Variants in SGCZ observed in about 807,000 individuals in gnomAD.
SGCZ encodes the protein zeta-sarcoglycan.
SGCZ carries 40 observed loss-of-function variants against 41.3 expected under a neutral mutation model. That is an observed-to-expected ratio of 0.97 (90% confidence interval 0.75 to 1.26). The LOEUF (loss-of-function observed/expected upper bound fraction) is 1.26. Among genes scored for constraint, SGCZ ranks in the 50% most tolerant of loss-of-function variants. SGCZ has a pLI of 0.00. For synonymous variants in SGCZ, 206 were observed against 137.5 expected, an observed-to-expected ratio of 1.50 and a Z score of -3.49; for missense variants, 552 against 369.8, an observed-to-expected ratio of 1.49 and a Z score of -4.04.
At chr8:14,410,927 A>C (rs1029631509) in intron 2 of SGCZ, among the ~76,000 whole-genome samples, 27 of 152,210 alleles carry the variant, frequency 1.8e-4, no homozygotes, top group Admixed American at 1.1e-3. Context: ...TAAACTAAAC[A>C]ATGGTGATAA....
chr8:14,220,595 C>T (rs1806158612), intron 4 of SGCZ, among the ~76,000 whole-genome samples: 2 of 151,958 alleles, frequency 1.3e-5, no homozygotes, highest in Admixed American at 1.3e-4. Context: ...GCCTGACCAA[C>T]ATGTTGAAAG....
chr8:14,961,378 G>C (rs1050290892), intron 1 of SGCZ, among the ~76,000 whole-genome samples: 1 of 152,012 alleles, frequency 6.6e-6, no homozygotes, highest in East Asian at 1.9e-4. Flanking sequence ...TTACAGGCTG[G>C]CTACAGAGGA....
At chr8:14,599,104 G>A (rs1304070415) in intron 1 of SGCZ, among the ~76,000 whole-genome samples, 1 of 152,048 alleles carries the variant, frequency 6.6e-6, no homozygotes, top group Admixed American at 6.6e-5. Flanking sequence ...ATGCAAAACT[G>A]TTTCATCAAC....
intron 5 of SGCZ, among the ~76,000 whole-genome samples, chr8:14,119,713 C>T (rs1490678504): frequency 6.6e-6 from 1 of 151,928 alleles, no homozygotes; most frequent in Non-Finnish European, 1.5e-5. Context: ...ATAAATAGCT[C>T]TTATTATTTT....
At chr8:15,059,614 T>C (rs574310785) in intron 1 of SGCZ, among the ~76,000 whole-genome samples, 21 of 152,306 alleles carry the variant, frequency 1.4e-4, no homozygotes, top group African/African-American at 4.6e-4. Context: ...AACTGCATAA[T>C]TAGGTTTCAA....
chr8:14,890,071 G>C (rs1014591293), intron 1 of SGCZ, among the ~76,000 whole-genome samples: 33 of 152,124 alleles, frequency 2.2e-4, no homozygotes, highest in African/African-American at 7.2e-4. Flanking sequence ...ACAAAAATTA[G>C]CCGGGCATGG....
chr8:15,097,888 G>GTGTA lies in SGCZ; in HGVS notation c.39+139696_39+139697insTACA, dbSNP rs1187752109. On this transcript the variant is annotated intron_variant, in intron 1 of 7. Transcript: ENST00000382080. ...TGTGTATATATATATATATACGTGTGTATATATATATATATATATATACGT... is the reference window on the plus strand; with the variant it reads ...TGTGTATATATATATATATACGTGTGTGTATATATATATATATATATATATACGT... 2.5e-5 allele frequency among the ~76,000 whole-genome samples: 3 copies of GTGTA among 120,658 alleles called. 1 individual carries two copies. The highest frequency in any genetic ancestry group is 1.0e-4 in the African/African-American group (3 of 28,798). The allele number at this position is 120,658 out of a possible 152,430, so 79.2% of individuals were successfully genotyped here.
At chr8:14,269,496 A>G (rs565916192) in intron 3 of SGCZ, among the ~76,000 whole-genome samples, 1 of 152,278 alleles carries the variant, frequency 6.6e-6, no homozygotes, top group East Asian at 1.9e-4. Flanking sequence ...CTCTGAAGAC[A>G]ATACTGAGCT....
chr8:15,193,053 G>A (rs1229158139), intron 1 of SGCZ, among the ~76,000 whole-genome samples: 1 of 152,066 alleles, frequency 6.6e-6, no homozygotes, highest in African/African-American at 2.4e-5. Flanking sequence ...AATACTGGTA[G>A]TGGAGGTGGA....
chr8:14,375,214 A>G (rs78022630), intron 2 of SGCZ, among the ~76,000 whole-genome samples: 8,729 of 152,326 alleles, frequency 0.057, 333 homozygotes, highest in Non-Finnish European at 0.087. Flanking sequence ...GCTGAAAGCT[A>G]CAATTCACAA....
chr8:14,981,360 G>T (rs1050150286), intron 1 of SGCZ, among the ~76,000 whole-genome samples: 1 of 152,188 alleles, frequency 6.6e-6, no homozygotes, highest in Admixed American at 6.5e-5. Flanking sequence ...CCTAAACACA[G>T]TAGAATTTAG....
chr8:14,806,113 C>T (rs1164927990), intron 1 of SGCZ, among the ~76,000 whole-genome samples: 4 of 151,576 alleles, frequency 2.6e-5, no homozygotes, highest in African/African-American at 9.7e-5. Flanking sequence ...CACTAAATGC[C>T]CACAAGAGAA....
rs542312853 is a variant in SGCZ, at chr8:15,073,588, AG to A, written c.39+163996del. Among the ~76,000 whole-genome samples, 53 of 152,274 alleles carry A rather than the reference AG, an allele frequency of 3.5e-4. 2 individuals are homozygous for A. The highest frequency in any genetic ancestry group is 1.3e-3 in the African/African-American group (53 of 41,568). ...ATTTTAATCTGTAAATATCCAGGAA[AG>A]CAACTGCTCTCCATAATGTGGGTGG... is the stretch of plus-strand genomic sequence containing the variant. On this transcript the variant is annotated intron_variant, in intron 1 of 7. Transcript: ENST00000382080.
At chr8:14,298,561 A>C (rs1470753197) in intron 3 of SGCZ, among the ~76,000 whole-genome samples, 1 of 152,044 alleles carries the variant, frequency 6.6e-6, no homozygotes, top group Non-Finnish European at 1.5e-5. Context: ...AGTGAGCAAG[A>C]ATATTTAAAC....
chr8:14,344,550 A>G (rs1345130757), intron 2 of SGCZ, among the ~76,000 whole-genome samples: 1 of 152,088 alleles, frequency 6.6e-6, no homozygotes, highest in East Asian at 1.9e-4. Context: ...CCTACACCTT[A>G]TAACAAATAA....
chr8:14,614,983 T>C (rs12155755), intron 1 of SGCZ, among the ~76,000 whole-genome samples: 22,578 of 142,714 alleles, frequency 0.16, 2,058 homozygotes, highest in Non-Finnish European at 0.21. Context: ...TGTACACACA[T>C]ATGTGTGTGT....
chr8:14,309,265 T>C, intron 3 of SGCZ: 3 of 1,541,224 alleles, frequency 1.9e-6, no homozygotes, highest in Non-Finnish European at 2.7e-6. Flanking sequence ...TCCAGTTGTC[T>C]AGTAATTTAA....
chr8:14,856,705 G>A (rs1803556175), intron 1 of SGCZ, among the ~76,000 whole-genome samples: 1 of 152,150 alleles, frequency 6.6e-6, no homozygotes, highest in Non-Finnish European at 1.5e-5. Flanking sequence ...TGGGCAGGGG[G>A]CTTAGGCAGC....
intron 1 of SGCZ, among the ~76,000 whole-genome samples, chr8:15,223,983 T>C (rs1801691119): frequency 6.6e-6 from 1 of 152,126 alleles, no homozygotes; most frequent in African/African-American, 2.4e-5. Flanking sequence ...GCCTTCCCAG[T>C]AGCTGGGATT....
Sources: allele counts gnomAD v4.1 joint callset (sites outside exome capture counted in the v4.1 genomes callset), GRCh38; gene constraint gnomAD v4.1.1; transcripts MANE v1.5; gene names NCBI Gene and HGNC (gene_info 2026-07-23, HGNC 2026-07-21).